MEGF9: variants seen among roughly 807,000 people sequenced by gnomAD.
The protein encoded by MEGF9 is multiple epidermal growth factor-like domains protein 9.
MEGF9 carries 6 observed loss-of-function variants against 46.8 expected under a neutral mutation model. That is an observed-to-expected ratio of 0.13 (90% CI 0.07 to 0.25). MEGF9 has a LOEUF of 0.25. MEGF9 is among the 10% of genes least tolerant of loss of function. MEGF9 has a pLI of 1.00. For missense variants in MEGF9, 683 were observed against 792.4 expected (o/e 0.86, Z 1.66); for synonymous variants, 302 against 330.7 (o/e 0.91, Z 0.94).
At chr9:120,639,990 A>G (rs1238234147) in intron 2 of MEGF9, among the ~76,000 whole-genome samples, 1 of 152,164 alleles carries the variant, frequency 6.6e-6, no homozygotes, top group Non-Finnish European at 1.5e-5. Context: ...GTCTTTATAC[A>G]TATGATTTAC....
At chr9:120,678,239 T>C (rs967391133) in intron 1 of MEGF9, among the ~76,000 whole-genome samples, 3 of 152,228 alleles carry the variant, frequency 2.0e-5, no homozygotes, top group Non-Finnish European at 4.4e-5. Flanking sequence ...TTATGAACAG[T>C]TGCTGCAACA....
intron 2 of MEGF9, among the ~76,000 whole-genome samples, chr9:120,657,639 A>C (rs530345382): frequency 6.6e-6 from 1 of 152,376 alleles, no homozygotes; most frequent in South Asian, 2.1e-4. Flanking sequence ...AACGGTAAGC[A>C]ATGTGAAACT....
intron 5 of MEGF9, among the ~76,000 whole-genome samples, chr9:120,606,957 C>G (rs990040359): frequency 6.6e-6 from 1 of 152,100 alleles, no homozygotes; most frequent in Non-Finnish European, 1.5e-5. Context: ...GGTAAGAGAA[C>G]TGAGTAGCAG....
intron 3 of MEGF9, among the ~76,000 whole-genome samples, chr9:120,620,370 T>C (rs190122986): frequency 1.0e-3 from 152 of 152,312 alleles, no homozygotes; most frequent in Non-Finnish European, 2.0e-3. Context: ...GTTCATTTAT[T>C]TGATAAAAAT....
At chr9:120,696,039 G>A (rs1270131706) in intron 1 of MEGF9, among the ~76,000 whole-genome samples, 1 of 152,178 alleles carries the variant, frequency 6.6e-6, no homozygotes, top group Admixed American at 6.5e-5. Flanking sequence ...ATGACAAGTG[G>A]CAGTAGCACT....
chr9:120,670,298 T>C (rs2043742899), intron 1 of MEGF9, among the ~76,000 whole-genome samples: 1 of 152,138 alleles, frequency 6.6e-6, no homozygotes, highest in South Asian at 2.1e-4. Context: ...GGTTTCACCA[T>C]GTTGGTCAGG....
At chr9:120,697,374 C>T (rs937280508) in intron 1 of MEGF9, among the ~76,000 whole-genome samples, 9 of 152,024 alleles carry the variant, frequency 5.9e-5, no homozygotes, top group South Asian at 4.1e-4. Context: ...TGAGCTACCG[C>T]GCCCAGTCTA....
chr9:120,637,184 T>C (rs949965696), intron 2 of MEGF9, among the ~76,000 whole-genome samples: 2 of 151,914 alleles, frequency 1.3e-5, no homozygotes, highest in African/African-American at 2.4e-5. Flanking sequence ...GGATTAAGGG[T>C]GGTGCAAGAT....
At chr9:120,640,521 C>G (rs974798361) in intron 2 of MEGF9, among the ~76,000 whole-genome samples, 2 of 151,680 alleles carry the variant, frequency 1.3e-5, no homozygotes, top group African/African-American at 2.4e-5. Context: ...TGCTATATTC[C>G]CAGTGCCTAG....
intron 1 of MEGF9, chr9:120,690,004 A>G (rs1448662705): frequency 3.8e-6 from 2 of 525,524 alleles, no homozygotes; most frequent in Non-Finnish European, 7.8e-6. Context: ...AGCTGAATAA[A>G]CAAAGACAGA....
At chr9:120,689,574 C>T (rs539509489) in intron 1 of MEGF9, among the ~76,000 whole-genome samples, 2 of 151,956 alleles carry the variant, frequency 1.3e-5, no homozygotes, top group Non-Finnish European at 2.9e-5. Flanking sequence ...TGAAGATAGC[C>T]AGAAAAATAA....
intron 1 of MEGF9, chr9:120,691,367 A>G (rs1039245984): frequency 7.1e-6 from 3 of 420,446 alleles, no homozygotes; most frequent in Admixed American, 6.6e-5. Flanking sequence ...TTTGGTATAT[A>G]TTCAAAATTT....
rs964382682 is a variant in MEGF9, at chr9:120,609,352, G to A, written c.1088-1342C>T. 7.2e-5 allele frequency among the ~76,000 whole-genome samples: 11 copies of A among 152,132 alleles called. No homozygotes were observed. The South Asian group carries it at 1.9e-3, about 26-fold the overall frequency. ...ATTCAATCTGTAGGAATTAACTCAG[G>A]TATTACTTCTTCTCAGAAGCACAGA... On this transcript the variant is annotated intron_variant, in intron 4 of 5. Coordinates refer to ENST00000373930, the MANE Select transcript of MEGF9 (RefSeq NM_001080497.3).
chr9:120,611,675 G>T (rs2043445765), intron 4 of MEGF9, among the ~76,000 whole-genome samples: 1 of 151,966 alleles, frequency 6.6e-6, no homozygotes, highest in Non-Finnish European at 1.5e-5. Flanking sequence ...AAAATTGATT[G>T]TGGTCATGGT....
At chr9:120,661,361 A>G (rs951988764) in intron 1 of MEGF9, among the ~76,000 whole-genome samples, 10 of 152,152 alleles carry the variant, frequency 6.6e-5, no homozygotes, top group African/African-American at 1.9e-4. Flanking sequence ...CAAAAAAAAT[A>G]CAAAAATTAG....
chr9:120,688,127 C>T (rs985596081), intron 1 of MEGF9, among the ~76,000 whole-genome samples: 1 of 124,614 alleles, frequency 8.0e-6, no homozygotes, highest in Non-Finnish European at 1.7e-5. Context: ...ATCTCCTCTC[C>T]GCAACACACA....
intron 2 of MEGF9, among the ~76,000 whole-genome samples, chr9:120,637,406 C>T (rs2043582479): frequency 6.7e-6 from 1 of 150,224 alleles, no homozygotes; most frequent in African/African-American, 2.5e-5. Context: ...GAGAAACACC[C>T]AAGAATGATC....
chr9:120,706,473 A>T (rs1194327673), intron 1 of MEGF9, among the ~76,000 whole-genome samples: 1 of 152,166 alleles, frequency 6.6e-6, no homozygotes, highest in Non-Finnish European at 1.5e-5. Context: ...AAAAACTTAG[A>T]ACCTAATTAA....
intron 1 of MEGF9, among the ~76,000 whole-genome samples, chr9:120,700,474 T>C (rs1387439915): frequency 6.6e-6 from 1 of 152,212 alleles, no homozygotes; most frequent in Non-Finnish European, 1.5e-5. Flanking sequence ...GGGACTATAA[T>C]GTTAGTGCTA....
Sources: allele counts gnomAD v4.1 joint callset (sites outside exome capture counted in the v4.1 genomes callset), GRCh38; gene constraint gnomAD v4.1.1; transcripts MANE v1.5; gene names NCBI Gene and HGNC (gene_info 2026-07-23, HGNC 2026-07-21).